The following GALNT13 variants were observed in gnomAD, a reference collection of about 807,000 sequenced individuals.
GALNT13 encodes polypeptide N-acetylgalactosaminyltransferase 13, also known as UDP-GalNAc:polypeptide N-acetylgalactosaminyltransferase 13.
GALNT13 carries 28 observed loss-of-function variants against 64.2 expected under a neutral mutation model. The observed-to-expected ratio is 0.44, with a 90% CI of 0.32 to 0.60. The LOEUF (loss-of-function observed/expected upper bound fraction) is 0.60. Among genes scored for constraint, GALNT13 ranks in the 20% least tolerant of loss-of-function variants. The pLI is 0.05. For missense variants in GALNT13, 577 were observed against 669.8 expected (o/e 0.86, Z 1.53); for synonymous variants, 214 against 224.6 (o/e 0.95, Z 0.42).
At chr2:154,265,569 GGCAC>G (rs902488055) in intron 8 of GALNT13, among the ~76,000 whole-genome samples, 1 of 151,936 alleles carries the variant, frequency 6.6e-6, no homozygotes, top group Admixed American at 6.6e-5. Context: ...TGTGGTGGCG[GGCAC>G]CTGTAATCCC....
chr2:153,635,059 A>T, the GALNT13 span, among the ~76,000 whole-genome samples: 1 of 152,140 alleles, frequency 6.6e-6, no homozygotes. Flanking sequence ...TGTGGAACTG[A>T]TAACTACTTT....
chr2:154,155,916 A>C (rs1019089473), intron 4 of GALNT13, among the ~76,000 whole-genome samples: 1 of 149,288 alleles, frequency 6.7e-6, no homozygotes, highest in Non-Finnish European at 1.5e-5. Flanking sequence ...TTAGGATAAA[A>C]CTATATATGG....
intron 3 of GALNT13, among the ~76,000 whole-genome samples, chr2:153,951,835 A>C (rs1692206812): frequency 6.6e-6 from 1 of 152,174 alleles, no homozygotes; most frequent in African/African-American, 2.4e-5. Flanking sequence ...AGTGAAGTTT[A>C]TGGACTGTAA....
intron 11 of GALNT13, among the ~76,000 whole-genome samples, chr2:154,438,255 C>T (rs965023889): frequency 6.6e-6 from 1 of 152,214 alleles, no homozygotes; most frequent in African/African-American, 2.4e-5. Context: ...CTTCACTGAG[C>T]TCCATGCAGT....
At chr2:153,146,062 C>T in the GALNT13 span, among the ~76,000 whole-genome samples, 1 of 151,836 alleles carries the variant, frequency 6.6e-6, no homozygotes, top group African/African-American at 2.4e-5. Context: ...AGTAGCAGAG[C>T]CAATATTAGA....
the GALNT13 span, among the ~76,000 whole-genome samples, chr2:153,402,650 C>T: frequency 6.6e-6 from 1 of 152,192 alleles, no homozygotes; most frequent in Admixed American, 6.5e-5. Flanking sequence ...TTTCTCTAAA[C>T]TTCCCTTCTC....
intron 10 of GALNT13, among the ~76,000 whole-genome samples, chr2:154,407,036 G>A (rs1217724039): frequency 1.3e-5 from 2 of 152,228 alleles, no homozygotes; most frequent in South Asian, 2.1e-4. Context: ...ATGCATCTCC[G>A]ATAAGTCCCT....
chr2:154,379,399 G>C (rs1698159460), intron 9 of GALNT13, among the ~76,000 whole-genome samples: 1 of 151,812 alleles, frequency 6.6e-6, no homozygotes. Context: ...TTTAATAGTA[G>C]ATATCATGGT....
chr2:154,108,438 A>AT (rs529544055), intron 3 of GALNT13, among the ~76,000 whole-genome samples: 250 of 151,624 alleles, frequency 1.6e-3, no homozygotes, highest in Admixed American at 5.1e-3. Context: ...TTTCTTGCCC[A>AT]TTTTTTTGTT....
chr2:154,346,490 C>T (rs1696075777), intron 9 of GALNT13, among the ~76,000 whole-genome samples: 1 of 152,104 alleles, frequency 6.6e-6, no homozygotes, highest in African/African-American at 2.4e-5. Flanking sequence ...GTGGTTTCCC[C>T]ATACTGTTCT....
At chr2:154,104,230 C>T (rs918302375) in intron 3 of GALNT13, among the ~76,000 whole-genome samples, 50 of 144,506 alleles carry the variant, frequency 3.5e-4, no homozygotes, top group Non-Finnish European at 6.4e-4. Flanking sequence ...AGGGGTGTGG[C>T]GGGGAACCTA....
the GALNT13 span, among the ~76,000 whole-genome samples, chr2:153,550,239 C>CTT: frequency 7.1e-5 from 10 of 141,786 alleles, no homozygotes; most frequent in African/African-American, 1.8e-4. Context: ...TGAATGGTCA[C>CTT]TTTTTTTTTT....
chr2:154,359,049 G>A (rs559453645), intron 9 of GALNT13, among the ~76,000 whole-genome samples: 68 of 152,218 alleles, frequency 4.5e-4, no homozygotes, highest in Non-Finnish European at 7.2e-4. Flanking sequence ...CCTGCTGTTT[G>A]CAGGGCTGTC....
chr2:153,445,664 C>T, the GALNT13 span, among the ~76,000 whole-genome samples: 14 of 152,280 alleles, frequency 9.2e-5, no homozygotes, highest in African/African-American at 3.4e-4. Flanking sequence ...AGGTGTGAGC[C>T]ACCATGCCTG....
At chr2:154,060,926 T>C (rs1006672931) in intron 3 of GALNT13, among the ~76,000 whole-genome samples, 10 of 152,042 alleles carry the variant, frequency 6.6e-5, no homozygotes, top group African/African-American at 1.9e-4. Flanking sequence ...CACAGAAAAA[T>C]CTAGCCGACG....
At chr2:154,021,130 A>G (rs1369631012) in intron 3 of GALNT13, among the ~76,000 whole-genome samples, 2 of 152,186 alleles carry the variant, frequency 1.3e-5, no homozygotes, top group African/African-American at 2.4e-5. Flanking sequence ...GAAGTCAGGT[A>G]GCGTGATGCC....
chr2:153,077,611 A>G, the GALNT13 span, among the ~76,000 whole-genome samples: 1 of 152,288 alleles, frequency 6.6e-6, no homozygotes, highest in Admixed American at 6.5e-5. Flanking sequence ...TTGCTGTCTA[A>G]TGTAAGCATG....
At chr2:153,813,748 T>C in the GALNT13 span, among the ~76,000 whole-genome samples, 36 of 152,350 alleles carry the variant, frequency 2.4e-4, no homozygotes, top group Non-Finnish European at 4.3e-4. Context: ...AGCTAGCATT[T>C]CAGAAATCTA....
At chr2:153,228,869 C>CA in the GALNT13 span, among the ~76,000 whole-genome samples, 327 of 68,548 alleles carry the variant, frequency 4.8e-3, 5 homozygotes, top group Middle Eastern at 0.038. Flanking sequence ...GAGACTGTCT[C>CA]AAAAAAAAAA....
Sources: gnomAD v4.1 joint callset for allele counts (sites outside exome capture counted in the v4.1 genomes callset) on GRCh38, gnomAD v4.1.1 for gene constraint, MANE v1.5 for transcripts, NCBI Gene and HGNC (gene_info 2026-07-23, HGNC 2026-07-21) for gene names.